The following CHLSN variants were observed in gnomAD, a reference collection of about 807,000 sequenced individuals.
CHLSN encodes the protein protein cholesin.
the CHLSN span, among the ~76,000 whole-genome samples, chr7:1,019,085 C>T: frequency 6.6e-6 from 1 of 151,674 alleles, no homozygotes; most frequent in Non-Finnish European, 1.5e-5. Flanking sequence ...ATCCCAGCTA[C>T]CCGAGAGGCT....
At chr7:1,010,600 G>C in the CHLSN span, among the ~76,000 whole-genome samples, 1 of 152,202 alleles carries the variant, frequency 6.6e-6, no homozygotes, top group Non-Finnish European at 1.5e-5. Flanking sequence ...CTGCTTTCTG[G>C]CAGGTCACTG....
the CHLSN span, among the ~76,000 whole-genome samples, chr7:1,015,261 T>C: frequency 1.2e-4 from 18 of 152,150 alleles, no homozygotes; most frequent in Admixed American, 9.2e-4. Flanking sequence ...TCCCTGTCCC[T>C]GAGGCATGAG....
the CHLSN span, among the ~76,000 whole-genome samples, chr7:1,040,835 A>G: frequency 1.1e-4 from 16 of 152,376 alleles, no homozygotes; most frequent in African/African-American, 3.8e-4. Flanking sequence ...ACAAAAGCCT[A>G]GCGTCTAGAA....
the CHLSN span, among the ~76,000 whole-genome samples, chr7:981,539 C>A: frequency 4.6e-5 from 7 of 151,722 alleles, no homozygotes; most frequent in Non-Finnish European, 1.0e-4. Context: ...CATGGTGAAA[C>A]CCCGTCTCTA....
the CHLSN span, among the ~76,000 whole-genome samples, chr7:980,473 T>TG: frequency 3.3e-5 from 5 of 152,244 alleles, no homozygotes; most frequent in African/African-American, 1.2e-4. Flanking sequence ...CTCAGCCACC[T>TG]GGTTTCTAGG....
the CHLSN span, among the ~76,000 whole-genome samples, chr7:1,008,973 AC>A: frequency 1.3e-5 from 2 of 149,428 alleles, no homozygotes; most frequent in East Asian, 3.9e-4. Context: ...ACATGCGTGC[AC>A]ACACACCCAT....
the CHLSN span, among the ~76,000 whole-genome samples, chr7:1,032,459 C>T: frequency 1.3e-5 from 2 of 152,124 alleles, no homozygotes; most frequent in Non-Finnish European, 1.5e-5. Context: ...CACCCACCCA[C>T]ACCGCCAGGC....
chr7:1,093,290 T>C, the CHLSN span: 7 of 431,258 alleles, frequency 1.6e-5, no homozygotes, highest in South Asian at 1.2e-4. Flanking sequence ...GTGGGGGAAC[T>C]GACGCTGGAG....
At chr7:986,737 C>A in the CHLSN span, 1 of 1,609,416 alleles carries the variant, frequency 6.2e-7, no homozygotes, top group Non-Finnish European at 8.5e-7. Context: ...CGCGGAGGCC[C>A]CACGTGTGCC....
At chr7:1,084,303 G>A in the CHLSN span, among the ~76,000 whole-genome samples, 1 of 152,242 alleles carries the variant, frequency 6.6e-6, no homozygotes, top group African/African-American at 2.4e-5. Context: ...TGCCCTCCCG[G>A]GGGCGTGGGA....
chr7:1,038,164 T>G, the CHLSN span, among the ~76,000 whole-genome samples: 53 of 47,668 alleles, frequency 1.1e-3, no homozygotes, highest in Admixed American at 1.9e-3. Context: ...TGGGGGGGGG[T>G]CAACCCCCCG....
the CHLSN span, among the ~76,000 whole-genome samples, chr7:1,109,882 T>C: frequency 6.8e-6 from 1 of 147,070 alleles, no homozygotes. Context: ...GGCAACCACC[T>C]CCATCCTCAC....
At chr7:1,134,710 A>G in the CHLSN span, among the ~76,000 whole-genome samples, 1 of 151,742 alleles carries the variant, frequency 6.6e-6, no homozygotes, top group Non-Finnish European at 1.5e-5. Context: ...CTACTAAAAA[A>G]TACAAAAAAT....
the CHLSN span, among the ~76,000 whole-genome samples, chr7:1,134,641 G>A: frequency 3.3e-5 from 5 of 151,994 alleles, no homozygotes; most frequent in Admixed American, 3.3e-4. Context: ...GGCCGAGACA[G>A]GCAGATCACA....
At chr7:1,029,988 T>TC in the CHLSN span, among the ~76,000 whole-genome samples, 1 of 152,178 alleles carries the variant, frequency 6.6e-6, no homozygotes, top group Non-Finnish European at 1.5e-5. Flanking sequence ...CAGCAGTGCT[T>TC]CCGATTTAGT....
the CHLSN span, among the ~76,000 whole-genome samples, chr7:1,126,218 G>A: frequency 1.3e-5 from 2 of 151,690 alleles, no homozygotes; most frequent in Admixed American, 1.3e-4. Flanking sequence ...AAAATTAGCT[G>A]GGCGTGGTGG....
chr7:988,241 G>A, the CHLSN span: 11 of 1,543,724 alleles, frequency 7.1e-6, no homozygotes, highest in Admixed American at 5.7e-5. Context: ...CATCTTCCCC[G>A]GGGCCCCTCT....
At chr7:1,136,279 T>TAA in the CHLSN span, among the ~76,000 whole-genome samples, 3 of 110,058 alleles carry the variant, frequency 2.7e-5, no homozygotes, top group South Asian at 2.7e-4. Context: ...ATATATAAAA[T>TAA]ATATATAAAT....
At chr7:987,163 C>T in the CHLSN span, 29 of 1,574,500 alleles carry the variant, frequency 1.8e-5, no homozygotes, top group Non-Finnish European at 2.5e-5. Flanking sequence ...GCACCCTGGA[C>T]ATGGTCATGG....
Sources: gnomAD v4.1 joint callset for allele counts (sites outside exome capture counted in the v4.1 genomes callset) on GRCh38, gnomAD v4.1.1 for gene constraint, MANE v1.5 for transcripts, NCBI Gene and HGNC (gene_info 2026-07-23, HGNC 2026-07-21) for gene names.